NPSR1: variants seen among roughly 807,000 people sequenced by gnomAD.
NPSR1 encodes neuropeptide S receptor.
NPSR1 carries 48 observed loss-of-function variants against 46.9 expected under a neutral mutation model. The observed-to-expected ratio is 1.02, with a 90% confidence interval of 0.81 to 1.30. The LOEUF is 1.30. Ranked by LOEUF, NPSR1 falls within the 50% of genes most tolerant of loss-of-function variation. The pLI, the probability that NPSR1 is intolerant of heterozygous loss-of-function variation, is 0.00. For synonymous variants in NPSR1, 176 were observed against 168.1 expected, an observed-to-expected ratio of 1.05 and a Z score of -0.36; for missense variants, 450 against 449.5, an observed-to-expected ratio of 1.00 and a Z score of -0.01.
intron 8 of NPSR1, among the ~76,000 whole-genome samples, chr7:34,857,193 A>G (rs533288568): frequency 2.0e-5 from 3 of 151,896 alleles, no homozygotes; most frequent in Non-Finnish European, 2.9e-5. Flanking sequence ...TAAGATAATC[A>G]ATTTTCAAAT....
intron 8 of NPSR1, among the ~76,000 whole-genome samples, chr7:34,855,771 A>G (rs986347607): frequency 1.3e-5 from 2 of 152,318 alleles, no homozygotes; most frequent in East Asian, 3.9e-4. Flanking sequence ...TTCCAAAAAA[A>G]AATTACCAAT....
chr7:34,680,266 TAAGATTAGTGA>T (rs1180919453), intron 1 of NPSR1, among the ~76,000 whole-genome samples: 12 of 152,174 alleles, frequency 7.9e-5, no homozygotes, highest in Non-Finnish European at 2.9e-5. Context: ...AAATGACAAT[TAAGATTAGTGA>T]AACAATTTAT....
At chr7:34,768,235 T>TG (rs1371153049) in intron 2 of NPSR1, 3 of 152,142 alleles carry the variant, frequency 2.0e-5, no homozygotes, top group African/African-American at 7.2e-5. Flanking sequence ...CAAAGCCAGC[T>TG]GGGGGGACAA....
intron 3 of NPSR1, among the ~76,000 whole-genome samples, chr7:34,797,439 T>C (rs1293879622): frequency 6.6e-6 from 1 of 152,162 alleles, no homozygotes; most frequent in South Asian, 2.1e-4. Flanking sequence ...AGGGGGTTTA[T>C]GGGAAATCTG....
At chr7:34,812,862 C>T (rs545782238) in intron 4 of NPSR1, among the ~76,000 whole-genome samples, 2 of 152,216 alleles carry the variant, frequency 1.3e-5, no homozygotes, top group Non-Finnish European at 2.9e-5. Context: ...CTGTAGAAAA[C>T]AGATAATACC....
At chr7:34,870,907 G>C (rs1320690493) in intron 8 of NPSR1, among the ~76,000 whole-genome samples, 1 of 142,792 alleles carries the variant, frequency 7.0e-6, no homozygotes. Flanking sequence ...TGGATGAATG[G>C]ATGGATGGAT....
chr7:34,855,649 T>C (rs1791032956), intron 8 of NPSR1, among the ~76,000 whole-genome samples: 1 of 152,024 alleles, frequency 6.6e-6, no homozygotes. Context: ...ATAGAAAAAG[T>C]GTGACTTTTC....
intron 4 of NPSR1, among the ~76,000 whole-genome samples, chr7:34,826,742 G>A (rs566751287): frequency 1.3e-5 from 2 of 152,258 alleles, no homozygotes; most frequent in Admixed American, 6.5e-5. Flanking sequence ...AGACTGCATG[G>A]TTTAGCCAAG....
chr7:34,659,824 G>A (rs1244986476), intron 1 of NPSR1, among the ~76,000 whole-genome samples: 1 of 152,188 alleles, frequency 6.6e-6, no homozygotes, highest in East Asian at 1.9e-4. Context: ...CAGACCCAGA[G>A]AGTCTGTCTT....
intron 1 of NPSR1, among the ~76,000 whole-genome samples, chr7:34,672,003 T>A (rs576772750): frequency 1.8e-4 from 28 of 152,344 alleles, no homozygotes; most frequent in African/African-American, 6.0e-4. Flanking sequence ...TCATCAGGAA[T>A]AATACATTCT....
intron 2 of NPSR1, among the ~76,000 whole-genome samples, chr7:34,703,303 G>C (rs1049968202): frequency 1.3e-5 from 2 of 152,144 alleles, no homozygotes; most frequent in African/African-American, 4.8e-5. Flanking sequence ...CCCGGGAAGC[G>C]GAGCTCGCAG....
At chr7:34,814,303 T>A (rs1331055498) in intron 4 of NPSR1, among the ~76,000 whole-genome samples, 2 of 152,234 alleles carry the variant, frequency 1.3e-5, no homozygotes, top group African/African-American at 4.8e-5. Flanking sequence ...CACAGCAGTC[T>A]GAAATTGAAC....
intron 8 of NPSR1, among the ~76,000 whole-genome samples, chr7:34,868,596 G>A (rs1383471541): frequency 5.3e-5 from 8 of 151,602 alleles, no homozygotes; most frequent in South Asian, 4.1e-4. Context: ...ACTTGCTCTC[G>A]GCAGAAGAGA....
chr7:34,759,928 AG>A (rs1299628610), intron 2 of NPSR1, among the ~76,000 whole-genome samples: 1 of 152,202 alleles, frequency 6.6e-6, no homozygotes, highest in African/African-American at 2.4e-5. Context: ...GTTAATAAAT[AG>A]TGGCCCAATC....
At chr7:34,786,042 A>T (rs1325098184) in intron 3 of NPSR1, among the ~76,000 whole-genome samples, 2 of 152,168 alleles carry the variant, frequency 1.3e-5, no homozygotes, top group Non-Finnish European at 2.9e-5. Context: ...ACAACAATAA[A>T]GTTTGTTGCA....
chr7:34,790,987 TATA>T (rs1787786314), intron 3 of NPSR1, among the ~76,000 whole-genome samples: 2 of 98,876 alleles, frequency 2.0e-5, no homozygotes, highest in African/African-American at 8.1e-5. Context: ...TATGTTATAT[TATA>T]TATGTTATAT....
chr7:34,678,825 C>CAAAA (rs61537015), intron 1 of NPSR1, among the ~76,000 whole-genome samples: 4 of 139,824 alleles, frequency 2.9e-5, no homozygotes, highest in Admixed American at 7.2e-5. Context: ...GACTCTGTCT[C>CAAAA]AAAAAAAAGA....
intron 2 of NPSR1, among the ~76,000 whole-genome samples, chr7:34,734,898 T>TC (rs1410969547): frequency 2.3e-4 from 35 of 152,338 alleles, no homozygotes; most frequent in African/African-American, 7.9e-4. Flanking sequence ...CTTATATTTT[T>TC]CTCTCTTAGC....
chr7:34,731,085 T>A (rs1459539783), intron 2 of NPSR1, among the ~76,000 whole-genome samples: 2 of 152,170 alleles, frequency 1.3e-5, no homozygotes, highest in Non-Finnish European at 2.9e-5. Context: ...CAGATTTTAC[T>A]GCAAAATATA....
Sources: gnomAD v4.1 joint callset for allele counts (sites outside exome capture counted in the v4.1 genomes callset) on GRCh38, gnomAD v4.1.1 for gene constraint, MANE v1.5 for transcripts, NCBI Gene and HGNC (gene_info 2026-07-23, HGNC 2026-07-21) for gene names.